The following CASK variants were observed in gnomAD, a reference collection of about 807,000 sequenced individuals.
CASK encodes calcium/calmodulin dependent serine protein kinase.
A neutral mutation model predicts 82.9 loss-of-function variants in CASK; 4 were observed. That is an observed-to-expected ratio of 0.05 (90% CI 0.02 to 0.11). The LOEUF is 0.11. CASK is among the 10% of genes least tolerant of loss of function. CASK has a pLI of 1.00. For missense variants in CASK, 358 were observed against 720.9 expected (o/e 0.50, Z 5.76); for synonymous variants, 259 against 253.5 (o/e 1.02, Z -0.20).
chrX:41,758,348 T>C, intron 3 of CASK, among the ~76,000 whole-genome samples: 1 of 107,746 alleles, frequency 9.3e-6, no homozygotes. Flanking sequence ...GGCAGTAGAA[T>C]TGCTTGAACC....
At chrX:41,651,034 T>C (rs1471271887) in intron 8 of CASK, among the ~76,000 whole-genome samples, 1 of 112,245 alleles carries the variant, frequency 8.9e-6, no homozygotes, top group Non-Finnish European at 1.9e-5. Context: ...TTACTGACAT[T>C]TTTTGTCTTT....
intron 24 of CASK, 76 bp downstream of exon 24, chrX:41,534,630 G>GA: frequency 2.4e-6 from 2 of 841,933 alleles, no homozygotes; most frequent in South Asian, 2.2e-5. Context: ...TATGTAATCA[G>GA]AAAAAAATAC....
chrX:41,830,906 A>G (rs1247157286), intron 2 of CASK, among the ~76,000 whole-genome samples: 1 of 110,366 alleles, frequency 9.1e-6, no homozygotes, highest in Non-Finnish European at 1.9e-5. Context: ...AGTCCTGACC[A>G]TGAAAGTGTT....
At chrX:41,824,608 GCAAGGTACT>G (rs1441381519) in intron 2 of CASK, among the ~76,000 whole-genome samples, 1 of 111,840 alleles carries the variant, frequency 8.9e-6, no homozygotes, top group Non-Finnish European at 1.9e-5. Context: ...AGCGCTGCTG[GCAAGGTACT>G]CTCCTTGTTA....
intron 8 of CASK, among the ~76,000 whole-genome samples, chrX:41,643,437 C>A (rs2066696825): frequency 9.0e-6 from 1 of 111,679 alleles, no homozygotes; most frequent in South Asian, 3.7e-4. Flanking sequence ...TTTGTGTCCT[C>A]ATTTATTTCA....
At chrX:41,590,230 G>A (rs1257865492) in intron 12 of CASK, 1 of 112,135 alleles carries the variant, frequency 8.9e-6, no homozygotes, top group Non-Finnish European at 1.9e-5. Context: ...ATATACGCTG[G>A]GAGCGATGGC....
At chrX:41,656,575 G>A (rs2066944044) in intron 8 of CASK, among the ~76,000 whole-genome samples, 1 of 111,537 alleles carries the variant, frequency 9.0e-6, no homozygotes. Flanking sequence ...ACTAAAATGG[G>A]CAATGAAAAC....
intron 5 of CASK, among the ~76,000 whole-genome samples, chrX:41,712,647 C>T (rs142036435): frequency 0.079 from 8,855 of 112,441 alleles, 455 homozygotes; most frequent in East Asian, 0.31. Context: ...AAAAGCTAAA[C>T]TGTTCTTGTA....
intron 12 of CASK, 97 bp from the exon 13 acceptor site, chrX:41,589,689 T>C (rs1602310734): frequency 3.3e-6 from 2 of 607,382 alleles, no homozygotes; most frequent in Non-Finnish European, 5.4e-6. Context: ...ATTTTTCTTT[T>C]AAAAAGGCAG....
chrX:41,732,013 C>T (rs1231196496), intron 5 of CASK, among the ~76,000 whole-genome samples: 3 of 105,581 alleles, frequency 2.8e-5, no homozygotes, highest in Non-Finnish European at 5.8e-5. Context: ...TGGGCTCAAG[C>T]GATCCTCCCG....
At chrX:41,617,796 A>G (rs920268100) in intron 11 of CASK, among the ~76,000 whole-genome samples, 1 of 112,675 alleles carries the variant, frequency 8.9e-6, no homozygotes, top group African/African-American at 3.2e-5. Context: ...AATATAACAC[A>G]TGCAGCACAT....
At chrX:41,901,980 T>G (rs961200962) in intron 1 of CASK, among the ~76,000 whole-genome samples, 2 of 110,846 alleles carry the variant, frequency 1.8e-5, no homozygotes, top group African/African-American at 6.6e-5. Flanking sequence ...GGGGCAGGCC[T>G]GGAGTCTGAG....
intron 5 of CASK, among the ~76,000 whole-genome samples, chrX:41,678,594 G>A (rs1377495194): frequency 9.0e-6 from 1 of 110,903 alleles, no homozygotes; most frequent in Non-Finnish European, 1.9e-5. Context: ...TTGAGCAGTG[G>A]GTTCAGGTGT....
At chrX:41,771,203 T>C (rs967000608) in intron 3 of CASK, among the ~76,000 whole-genome samples, 1 of 112,107 alleles carries the variant, frequency 8.9e-6, no homozygotes, top group Admixed American at 9.5e-5. Flanking sequence ...TCCACATCAA[T>C]GGATGCCAGA....
chrX:41,561,764 G>A, intron 16 of CASK, 120 bp from the exon 17 acceptor site: 1 of 560,281 alleles, frequency 1.8e-6, no homozygotes, highest in South Asian at 2.9e-5. Flanking sequence ...ATATTTCAGA[G>A]GCAGGTACAA....
chrX:41,888,298 C>G (rs1308267320), intron 1 of CASK, among the ~76,000 whole-genome samples: 1 of 111,150 alleles, frequency 9.0e-6, no homozygotes, highest in African/African-American at 3.3e-5. Context: ...AACAAATCTC[C>G]CATATTGGTT....
At chrX:41,805,039 A>G (rs2070088007) in intron 2 of CASK, among the ~76,000 whole-genome samples, 1 of 111,916 alleles carries the variant, frequency 8.9e-6, no homozygotes, top group Non-Finnish European at 1.9e-5. Context: ...AGCTTGATGC[A>G]CTGTTAATGG....
intron 3 of CASK, among the ~76,000 whole-genome samples, chrX:41,768,676 A>C (rs1415263074): frequency 2.7e-5 from 3 of 112,008 alleles, no homozygotes; most frequent in Non-Finnish European, 5.6e-5. Context: ...TTAGCAAATA[A>C]AGAATTCTTC....
intron 7 of CASK, among the ~76,000 whole-genome samples, chrX:41,663,042 T>C (rs2067060555): frequency 9.1e-6 from 1 of 109,595 alleles, no homozygotes; most frequent in Non-Finnish European, 1.9e-5. Context: ...CTCCCTATGT[T>C]GCCCAGGCTG....
Sources: gnomAD v4.1 joint callset for allele counts (sites outside exome capture counted in the v4.1 genomes callset) on GRCh38, gnomAD v4.1.1 for gene constraint, MANE v1.5 for transcripts, NCBI Gene and HGNC (gene_info 2026-07-23, HGNC 2026-07-21) for gene names.